Variants in CHD7 observed in about 807,000 individuals in gnomAD.
CHD7 encodes the protein ATP-dependent chromatin remodeler CHD7.
CHD7 carries 24 observed loss-of-function variants against 307.3 expected under a neutral mutation model. The ratio of observed to expected loss-of-function variants is 0.08; its 90% CI spans 0.06 to 0.11. CHD7 has a LOEUF of 0.11. Ranked by LOEUF, CHD7 falls within the 10% of genes least tolerant of loss-of-function variation. CHD7 has a pLI of 1.00. For synonymous variants in CHD7, 1,363 were observed against 1,349.9 expected, an observed-to-expected ratio of 1.01 and a Z score of -0.21; for missense variants, 3,106 against 3,727.1, an observed-to-expected ratio of 0.83 and a Z score of 4.34.
chr8:60,836,763 C>A, intron 16 of CHD7, 54 bp from the exon 17 acceptor site: 2 of 1,275,556 alleles, frequency 1.6e-6, no homozygotes, highest in Non-Finnish European at 2.2e-6. Context: ...AAAAAAGGAG[C>A]AAGTATGTTG....
intron 15 of CHD7, among the ~76,000 whole-genome samples, chr8:60,834,565 T>G (rs1024494572): frequency 6.6e-6 from 1 of 152,252 alleles, no homozygotes; most frequent in Non-Finnish European, 1.5e-5. Context: ...AGCATTTTGC[T>G]CTTTACTCTT....
intron 34 of CHD7, among the ~76,000 whole-genome samples, chr8:60,859,525 A>G (rs1206503734): frequency 6.6e-6 from 1 of 152,224 alleles, no homozygotes; most frequent in Non-Finnish European, 1.5e-5. Flanking sequence ...GCCACGACCA[A>G]GGGATGTCTA....
chr8:60,824,059 T>A, intron 13 of CHD7, 43 bp downstream of exon 13: 1 of 1,552,170 alleles, frequency 6.4e-7, no homozygotes, highest in Non-Finnish European at 8.8e-7. Flanking sequence ...TGAATAGAAT[T>A]GTTGCTGACT....
In CHD7 at chr8:60,810,552, C is replaced by T. The variant is rs115975524; in HGVS notation, c.2498+2280C>T. 4.3e-3 allele frequency among the ~76,000 whole-genome samples: 658 copies of T among 152,230 alleles called. 3 individuals are homozygous for T. Among genetic ancestry groups the T allele is most frequent in the African/African-American group, 0.015 (633 of 41,530 alleles). On this transcript the variant is annotated intron_variant, in intron 7 of 37. Coordinates refer to ENST00000423902, the MANE Select transcript of CHD7 (RefSeq NM_017780.4). ...GCCCAGGGTTCATTCTCTCCTTTCC[C>T]CTTTAATATTAGTAATTCCCTTCTT...
chr8:60,856,879 A>G lies in CHD7; in HGVS notation c.7599A>G (p.Ser2533=). Residue 2533 remains serine (S), a synonymous_variant, in exon 34 of 38, where the codon TCA becomes TCG. Coordinates refer to ENST00000423902, the MANE Select transcript of CHD7 (RefSeq NM_017780.4). ...TTTTCATGAGCCACAAACGGACGTC[A>G]TTGAGTGCAGTAAGTTGGGGAGCTT... The part of the protein sequence containing the change: ...DLLFMSHKRT[S]LSAEDAEVTK... 1 of 1,547,058 alleles carries G rather than the reference A, an allele frequency of 6.5e-7. No individual in the cohort carries two copies. The highest frequency in any genetic ancestry group is 8.7e-7 in the Non-Finnish European group (1 of 1,149,076).
intron 1 of CHD7, among the ~76,000 whole-genome samples, chr8:60,701,800 A>G (rs922776005): frequency 2.0e-5 from 3 of 152,226 alleles, no homozygotes; most frequent in African/African-American, 7.2e-5. Flanking sequence ...TGAAAAGTTT[A>G]TCCTGCACTT....
rs772951698 is a variant in CHD7, at chr8:60,742,769, G to A, written c.1337G>A (p.Gly446Glu). The A allele has an allele frequency of 2.5e-6, 4 of 1,614,034 alleles. No individual in the cohort carries two copies. The South Asian group carries it at 4.4e-5, about 18-fold the overall frequency. The change falls in exon 2 of 38, where the codon GGA becomes GAA. Residue 446 changes from glycine to glutamate, a missense_variant. Coordinates refer to ENST00000423902, the MANE Select transcript of CHD7 (RefSeq NM_017780.4). ...SHQPPGAMGI[G>E]QRNMGPRNMQ... ...CAGCCCCCTGGTGCCATGGGAATCG[G>A]ACAGAGGAATATGGGCCCCAGAAAC...
chr8:60,795,202 G>A, intron 4 of CHD7, 75 bp downstream of exon 4: 3 of 1,381,974 alleles, frequency 2.2e-6, no homozygotes, highest in Non-Finnish European at 3.0e-6. Context: ...AAGTACACAA[G>A]ACCTCCCCTA....
At chr8:60,861,993 T>A in intron 35 of CHD7, 2 of 397,150 alleles carry the variant, frequency 5.0e-6, no homozygotes, top group Non-Finnish European at 8.8e-6. Context: ...AAGCCAATTC[T>A]CACTTATGTA....
At chr8:60,800,131 C>T (rs375374258) in intron 4 of CHD7, among the ~76,000 whole-genome samples, 13 of 151,912 alleles carry the variant, frequency 8.6e-5, no homozygotes, top group East Asian at 1.9e-4. Context: ...CGTGGGTTCG[C>T]GCCATTCTCC....
At chr8:60,682,194 T>A (rs1457264647) in intron 1 of CHD7, among the ~76,000 whole-genome samples, 1 of 152,218 alleles carries the variant, frequency 6.6e-6, no homozygotes, top group Non-Finnish European at 1.5e-5. Flanking sequence ...TCACCAGTAT[T>A]TGGTCTAGTT....
intron 1 of CHD7, among the ~76,000 whole-genome samples, chr8:60,700,269 C>T (rs1806695908): frequency 6.6e-6 from 1 of 152,172 alleles, no homozygotes; most frequent in Admixed American, 6.5e-5. Context: ...ACCATATTGG[C>T]TGCTTTTCAC....
At chr8:60,737,553 G>A (rs1389472854) in intron 1 of CHD7, among the ~76,000 whole-genome samples, 1 of 152,180 alleles carries the variant, frequency 6.6e-6, no homozygotes, top group Non-Finnish European at 1.5e-5. Context: ...GTTTCACAGT[G>A]TGCCTCTAAT....
At chr8:60,778,186 C>A (rs553771307) in intron 2 of CHD7, among the ~76,000 whole-genome samples, 2 of 152,084 alleles carry the variant, frequency 1.3e-5, no homozygotes, top group African/African-American at 4.8e-5. Flanking sequence ...ATGATTAAGG[C>A]AGGCCATCTG....
In CHD7 at chr8:60,844,927, T is replaced by A. The variant is rs750002915; in HGVS notation, c.4914T>A (p.Asp1638Glu). Residue 1638 changes from aspartate to glutamate, a missense_variant, in exon 22 of 38, where the codon GAT becomes GAA. Coordinates refer to ENST00000423902, the MANE Select transcript of CHD7 (RefSeq NM_017780.4). The part of the protein sequence containing the change: ...GRYKRQLTEQ[D>E]VETICRTILV... Reference sequence around the variant, plus strand: ...ATAAACGCCAACTCACTGAGCAAGATGTAGAAACCATCTGCAGAACCATCC... The same window carrying A: ...ATAAACGCCAACTCACTGAGCAAGAAGTAGAAACCATCTGCAGAACCATCC... The A allele has an allele frequency of 1.9e-6, 3 of 1,613,714 alleles. No homozygotes were observed. Among genetic ancestry groups the A allele is most frequent in the Non-Finnish European group, 2.5e-6 (3 of 1,179,774 alleles).
intron 2 of CHD7, among the ~76,000 whole-genome samples, chr8:60,765,378 A>G (rs1427821383): frequency 6.6e-6 from 1 of 152,244 alleles, no homozygotes; most frequent in Non-Finnish European, 1.5e-5. Flanking sequence ...AGAGTATAAC[A>G]TGCTGCTGTC....
At chr8:60,767,922 G>A (rs780220621) in intron 2 of CHD7, among the ~76,000 whole-genome samples, 3 of 152,166 alleles carry the variant, frequency 2.0e-5, no homozygotes, top group Non-Finnish European at 4.4e-5. Flanking sequence ...AAGTTACTGC[G>A]AGAAAACCTC....
chr8:60,772,987 G>T (rs983165944), intron 2 of CHD7, among the ~76,000 whole-genome samples: 2 of 152,164 alleles, frequency 1.3e-5, no homozygotes, highest in African/African-American at 4.8e-5. Context: ...GAGACCCTGC[G>T]TTTTGTTGGG....
chr8:60,845,419 T>C lies in CHD7; in HGVS notation c.5210+10T>C, dbSNP rs757241823. 4 of 1,613,328 alleles carry C rather than the reference T, an allele frequency of 2.5e-6. No individual in the cohort carries two copies. The South Asian group carries it at 3.3e-5, about 13-fold the overall frequency. On this transcript the variant is annotated intron_variant, in intron 23 of 37. Transcript: ENST00000423902. Reference sequence around the variant, plus strand: ...AGCATCACTGTAACAAGTATGTTATTAGAGGGTGGACCTGGAGAGCTTAAT... The same window carrying C: ...AGCATCACTGTAACAAGTATGTTATCAGAGGGTGGACCTGGAGAGCTTAAT...
Sources: gnomAD v4.1 joint callset for allele counts (sites outside exome capture counted in the v4.1 genomes callset) on GRCh38, gnomAD v4.1.1 for gene constraint, MANE v1.5 for transcripts, NCBI Gene and HGNC (gene_info 2026-07-23, HGNC 2026-07-21) for gene names.